OTOP2: variants seen among roughly 807,000 people sequenced by gnomAD.
OTOP2 encodes the protein otopetrin 2, also known as proton channel OTOP2.
In OTOP2, 41 loss-of-function variants were observed where a neutral mutation model predicts 47.4. The observed-to-expected ratio is 0.87, with a 90% CI of 0.67 to 1.12. The LOEUF (loss-of-function observed/expected upper bound fraction) is 1.12. OTOP2 is among the 50% of genes most tolerant of loss of function. OTOP2 has a pLI of 0.00. For missense variants in OTOP2, 721 were observed against 752.2 expected (o/e 0.96, Z 0.49); for synonymous variants, 328 against 319.6 (o/e 1.03, Z -0.28).
Position 74,930,676 on chromosome 17 carries a change from C to T in OTOP2, c.1041C>T (p.Ser347=). Residue 347 remains serine, a synonymous_variant, in exon 6 of 7, where the codon TCC becomes TCT. Transcript: ENST00000331427. The surrounding 1 kb of genome is among the most constrained non-coding windows in gnomAD (Gnocchi z 4.0). ...GLTTLVSLSG[S]IIYRFDRRAM... is the part of the protein sequence containing the mutation. ...CCACCTTGGTCAGCCTGAGCGGCTC[C>T]ATCATCTACCGTTTTGACCGCCGGG... is the stretch of plus-strand genomic sequence containing the variant. The T allele has an allele frequency of 3.1e-6, 5 of 1,614,078 alleles. No individual in the cohort carries two copies. In the Middle Eastern group the frequency reaches 4.9e-4, roughly 160 times the overall value.
At position 74,930,214 on chromosome 17, in the gene OTOP2, C is replaced by A. The variant is rs541857097; in HGVS notation, c.644-65C>A. The A allele has an allele frequency of 4.0e-6, 6 of 1,517,442 alleles. No individual in the cohort carries two copies. The highest frequency in any genetic ancestry group is 1.4e-5 in the African/African-American group (1 of 71,946). 94.0% of individuals were successfully genotyped at this position (1,517,442 alleles called of 1,614,324 possible). A position where few individuals can be genotyped will look rare whatever the true frequency, so the allele number is the denominator to read the frequency against. On this transcript the variant is annotated intron_variant, in intron 5 of 6. Transcript: ENST00000331427. The surrounding 1 kb of genome is among the most constrained non-coding windows in gnomAD (Gnocchi z 4.0). ...AAAACAAAAAAAAAAAGGTCACAGG[C>A]TAGGGGTGAGACCTCTCTAGGAAGG...
intron 6 of OTOP2, among the ~76,000 whole-genome samples, chr17:74,931,774 G>C (rs1270293635): frequency 6.6e-6 from 1 of 152,100 alleles, no homozygotes; most frequent in African/African-American, 2.4e-5. Context: ...CCAACAGGGT[G>C]AAACCCTGTC....
chr17:74,933,561 C>A lies in OTOP2; in HGVS notation c.*16C>A. On this transcript the variant is annotated 3_prime_UTR_variant, in exon 7 of 7. Transcript: ENST00000331427. This position sits in a 1 kb window ranked among gnomAD's most constrained non-coding sequence, Gnocchi z 4.7. Reference sequence around the variant, plus strand: ...GCTGTCCTGAGGCCTCCAACAGAGGCATGGGGGGCAGGAAGAGGGGGCTCA... The same window carrying A: ...GCTGTCCTGAGGCCTCCAACAGAGGAATGGGGGGCAGGAAGAGGGGGCTCA... 2 of 1,566,620 alleles carry A rather than the reference C, an allele frequency of 1.3e-6. No homozygotes were observed. Among genetic ancestry groups the A allele is most frequent in the Non-Finnish European group, 8.7e-7 (1 of 1,145,544 alleles).
At chr17:74,927,055 G>A (rs1014804941) in intron 3 of OTOP2, among the ~76,000 whole-genome samples, 168 bp from the exon 4 acceptor site, 8 of 152,318 alleles carry the variant, frequency 5.3e-5, no homozygotes, top group East Asian at 3.9e-4. Flanking sequence ...GATTACAGGC[G>A]TGAGCCACTG....
At chr17:74,932,885 G>A (rs1421744238) in intron 6 of OTOP2, among the ~76,000 whole-genome samples, 2 of 152,126 alleles carry the variant, frequency 1.3e-5, no homozygotes, top group African/African-American at 4.8e-5. Flanking sequence ...CCTGGAAAGG[G>A]AGAAGGGGAT....
chr17:74,928,068 T>A (rs2039025722), intron 5 of OTOP2: 1 of 435,752 alleles, frequency 2.3e-6, no homozygotes, highest in African/African-American at 2.1e-5. Flanking sequence ...CAGGACCAGG[T>A]GCAGTGGCTC....
chr17:74,929,896 A>G (rs1598593964), intron 5 of OTOP2, among the ~76,000 whole-genome samples: 3 of 152,278 alleles, frequency 2.0e-5, no homozygotes, highest in East Asian at 1.9e-4. Context: ...AAAGGTCACA[A>G]GCTAGGCTGG....
chr17:74,930,307 C>G lies in OTOP2; in HGVS notation c.672C>G (p.Asp224Glu). 6.2e-7 allele frequency: 1 copy of G among 1,613,860 alleles called. No individual in the cohort carries two copies. The highest frequency in any genetic ancestry group is 8.5e-7 in the Non-Finnish European group (1 of 1,179,840). The change falls in exon 6 of 7, where the codon GAC becomes GAG. Residue 224 changes from aspartate (D) to glutamate (E), a missense_variant. Asp to Glu is a conservative substitution (Grantham distance 45). Transcript: ENST00000331427. This position sits in a 1 kb window ranked among gnomAD's most constrained non-coding sequence, Gnocchi z 4.0. The stretch of plus-strand genomic sequence containing the variant: ...ATGCAGACAACCCGGTCGGAGGAGA[C>G]TCCTGCCTCTGCAGCACGGCCGTCT... ...DQHADNPVGG[D>E]SCLCSTAVCQ...
At chr17:74,927,143 C>G (rs2039014754) in intron 3 of OTOP2, 80 bp from the exon 4 acceptor site, 1 of 1,306,126 alleles carries the variant, frequency 7.7e-7, no homozygotes, top group Non-Finnish European at 1.1e-6. Context: ...GCGGAGAGAA[C>G]AAGATGGCAT....
chr17:74,933,517 G>A lies in OTOP2; in HGVS notation c.1661G>A (p.Ser554Asn). The A allele has an allele frequency of 6.2e-7, 1 of 1,613,226 alleles. No individual in the cohort carries two copies. Among genetic ancestry groups the A allele is most frequent in the Non-Finnish European group, 8.5e-7 (1 of 1,179,348 alleles). ...GIFYRMHAVS[S>N]LLEVYVLS ...TTCTACCGCATGCACGCTGTGTCCA[G>A]CCTGCTGGAGGTCTACGTGCTGTCC... Residue 554 changes from serine (S) to asparagine (N), a missense_variant, in exon 7 of 7, where the codon AGC becomes AAC. Transcript: ENST00000331427. The surrounding 1 kb of genome is among the most constrained non-coding windows in gnomAD (Gnocchi z 4.7).
Position 74,924,449 on chromosome 17 carries a change from AT to A in OTOP2, c.-34+120del. ...ATCCAGCGAGAGGGGCAGGTTCCGC[AT>A]TTTCTCTTCCCCTTTCCCAGCGCTT... is the stretch of plus-strand genomic sequence containing the variant. On this transcript the variant is annotated intron_variant, in intron 1 of 6. Coordinates refer to ENST00000331427, the MANE Select transcript of OTOP2 (RefSeq NM_178160.3). The surrounding 1 kb of genome is among the most constrained non-coding windows in gnomAD (Gnocchi z 7.7). 3.0e-6 allele frequency: 2 copies of A among 657,262 alleles called. No homozygotes were observed. The highest frequency in any genetic ancestry group is 4.9e-6 in the Non-Finnish European group (2 of 408,926). 40.7% of individuals were successfully genotyped at this position (657,262 alleles called of 1,614,324 possible).
intron 5 of OTOP2, among the ~76,000 whole-genome samples, chr17:74,929,114 A>G (rs2039033675): frequency 6.6e-6 from 1 of 152,160 alleles, no homozygotes; most frequent in African/African-American, 2.4e-5. Flanking sequence ...CAGCTGGGCT[A>G]GTTCTTAGGA....
In OTOP2 at chr17:74,933,793, A is replaced by G; in HGVS notation, c.*248A>G. 1 of 421,984 alleles carries G rather than the reference A, an allele frequency of 2.4e-6. No individual in the cohort carries two copies. The highest frequency in any genetic ancestry group is 4.2e-6 in the Non-Finnish European group (1 of 235,762). 26.1% of individuals were successfully genotyped at this position (421,984 alleles called of 1,614,324 possible). ...GGGAAGGGAGACCTCTCCTGGCAGC[A>G]TTTCTAGGACCCAACAAGATCTGGA... On this transcript the variant is annotated 3_prime_UTR_variant, in exon 7 of 7. Coordinates refer to ENST00000331427, the MANE Select transcript of OTOP2 (RefSeq NM_178160.3). This position sits in a 1 kb window ranked among gnomAD's most constrained non-coding sequence, Gnocchi z 4.7.
rs1339917439 is a variant in OTOP2 at position 74,925,041 on chromosome 17, G to C, written c.313+96G>C. On this transcript the variant is annotated intron_variant, in intron 2 of 6. Coordinates refer to ENST00000331427, the MANE Select transcript of OTOP2 (RefSeq NM_178160.3). ...TTGCAGAGTGCAGATTGACATACGAGGGCGAGAGGCTCCCTAGGGAGGACC... is the reference window on the plus strand; with the variant it reads ...TTGCAGAGTGCAGATTGACATACGACGGCGAGAGGCTCCCTAGGGAGGACC... The C allele has an allele frequency of 1.1e-5, 15 of 1,382,158 alleles. No homozygotes were observed. In the Admixed American group the frequency reaches 3.9e-4, roughly 36 times the overall value. 85.6% of individuals were successfully genotyped at this position (1,382,158 alleles called of 1,614,324 possible).
chr17:74,927,641 G>A, intron 4 of OTOP2, 24 bp from the exon 5 acceptor site: 2 of 1,602,338 alleles, frequency 1.2e-6, no homozygotes, highest in Non-Finnish European at 1.7e-6. Context: ...AGGCCTCTTT[G>A]TCCCCACCCC....
chr17:74,927,418 TCAGGCTGA>T, intron 4 of OTOP2, 137 bp downstream of exon 4: 1 of 1,149,790 alleles, frequency 8.7e-7, no homozygotes. Flanking sequence ...CCTTGCTTTG[TCAGGCTGA>T]CTTCCACTAC....
Position 74,930,182 on chromosome 17 carries a change from T to C in OTOP2, c.644-97T>C, listed in dbSNP as rs572981353. The C allele has an allele frequency of 7.2e-5, 100 of 1,398,180 alleles. No individual in the cohort carries two copies. In the African/African-American group the frequency reaches 9.7e-4, roughly 14 times the overall value. The allele number at this position is 1,398,180 out of a possible 1,614,324, so 86.6% of individuals were successfully genotyped here. ...TGAGCATCAAGAGTGAAACTCCGTC[T>C]CAAAACAAAACAAAAAAAAAAAGGT... On this transcript the variant is annotated intron_variant, in intron 5 of 6. Coordinates refer to ENST00000331427, the MANE Select transcript of OTOP2 (RefSeq NM_178160.3). The surrounding 1 kb of genome is among the most constrained non-coding windows in gnomAD (Gnocchi z 4.0).
At chr17:74,931,953 CAAAAAAA>C (rs5822060) in intron 6 of OTOP2, among the ~76,000 whole-genome samples, 3 of 84,052 alleles carry the variant, frequency 3.6e-5, no homozygotes, top group South Asian at 4.4e-4. Flanking sequence ...GACACTCTGT[CAAAAAAA>C]AAAAAAAAAA....
In OTOP2 at chr17:74,927,589, C is replaced by T. The variant is rs920470781; in HGVS notation, c.510-76C>T. The T allele has an allele frequency of 5.9e-6, 9 of 1,538,212 alleles. No individual in the cohort carries two copies. The African/African-American group carries it at 1.1e-4, about 19-fold the overall frequency. On this transcript the variant is annotated intron_variant, in intron 4 of 6. Coordinates refer to ENST00000331427, the MANE Select transcript of OTOP2 (RefSeq NM_178160.3). ...GCCTGGCTGCTTTATCATTTCTCAA[C>T]ACCAGCTCTCAGTATTGCTCCCCAA...
Sources: allele counts gnomAD v4.1 joint callset (sites outside exome capture counted in the v4.1 genomes callset), GRCh38; gene constraint gnomAD v4.1.1; non-coding constraint Gnocchi (gnomAD v3.1); transcripts MANE v1.5; gene names NCBI Gene and HGNC (gene_info 2026-07-23, HGNC 2026-07-21).